CLTCL1: variants seen among roughly 807,000 people sequenced by gnomAD.
CLTCL1 encodes the protein clathrin heavy chain 2.
Under a neutral mutation model 190.0 loss-of-function variants are expected in CLTCL1, and 159 were observed. The observed-to-expected ratio is 0.84, with a 90% CI of 0.74 to 0.95. The LOEUF (loss-of-function observed/expected upper bound fraction) is 0.95, where lower values mean the gene tolerates loss of function less well. Among genes scored for constraint, CLTCL1 ranks in the 40% least tolerant of loss-of-function variants. The pLI, the probability that CLTCL1 is intolerant of heterozygous loss-of-function variation, is 0.00. For missense variants in CLTCL1, 1,878 were observed against 2,033.4 expected, an observed-to-expected ratio of 0.92 and a Z score of 1.47; for synonymous variants, 752 against 769.6, an observed-to-expected ratio of 0.98 and a Z score of 0.38.
chr22:19,200,634 A>T (rs1402897221), intron 23 of CLTCL1, among the ~76,000 whole-genome samples: 1 of 152,140 alleles, frequency 6.6e-6, no homozygotes, highest in African/African-American at 2.4e-5. Flanking sequence ...AGGTCAGGAG[A>T]TAGAGACCAT....
intron 21 of CLTCL1, among the ~76,000 whole-genome samples, chr22:19,208,685 T>C (rs1389712719): frequency 6.6e-6 from 1 of 151,764 alleles, no homozygotes; most frequent in Non-Finnish European, 1.5e-5. Flanking sequence ...TTGAGATATC[T>C]AGTGTGCTTA....
chr22:19,257,159 A>T (rs1286787695), intron 2 of CLTCL1, among the ~76,000 whole-genome samples: 2 of 152,214 alleles, frequency 1.3e-5, no homozygotes, highest in Non-Finnish European at 2.9e-5. Context: ...AAGATGAACA[A>T]GGTTGGATGA....
At chr22:19,251,582 G>C (rs570725631) in intron 3 of CLTCL1, among the ~76,000 whole-genome samples, 121 of 152,196 alleles carry the variant, frequency 8.0e-4, no homozygotes, top group African/African-American at 1.8e-3. Flanking sequence ...TCAGCCTCCC[G>C]AGTAGCTGGG....
chr22:19,243,110 A>C (rs1232691502), intron 3 of CLTCL1, among the ~76,000 whole-genome samples, 174 bp from the exon 4 acceptor site: 1 of 152,210 alleles, frequency 6.6e-6, no homozygotes, highest in Non-Finnish European at 1.5e-5. Context: ...TTTATGTGGA[A>C]AGATGGCAAA....
chr22:19,234,435 T>C, intron 7 of CLTCL1, 74 bp downstream of exon 7: 2 of 1,321,492 alleles, frequency 1.5e-6, no homozygotes, highest in South Asian at 1.5e-5. Context: ...AGTGAAATGC[T>C]TTTATGACTT....
intron 15 of CLTCL1, among the ~76,000 whole-genome samples, 153 bp from the exon 16 acceptor site, chr22:19,222,246 C>T (rs945755331): frequency 6.6e-6 from 1 of 152,202 alleles, no homozygotes; most frequent in African/African-American, 2.4e-5. Flanking sequence ...GATGTCCTAA[C>T]CCCTAGTGGG....
Position 19,242,808 on chromosome 22 carries a change from G to A in CLTCL1, c.648C>T (p.Phe216=). The change falls in exon 4 of 33, where the codon TTC becomes TTT. Residue 216 remains phenylalanine, a synonymous_variant. Transcript: ENST00000427926. ...CTGTGGGATTACGTACAGCAAAGCA[G>A]AAAAGGGTGGCAGGCTTGGCATTCC... ...MEGNAKPATL[F]CFAVRNPTGG... 6.2e-7 allele frequency: 1 copy of A among 1,613,974 alleles called. No individual in the cohort carries two copies. The highest frequency in any genetic ancestry group is 1.7e-5 in the Admixed American group (1 of 60,028).
chr22:19,249,175 A>G (rs1555969001), intron 3 of CLTCL1, among the ~76,000 whole-genome samples: 12 of 152,078 alleles, frequency 7.9e-5, no homozygotes, highest in Non-Finnish European at 1.8e-4. Flanking sequence ...CCTGGCTAAC[A>G]TGGTGAAACC....
intron 1 of CLTCL1, among the ~76,000 whole-genome samples, chr22:19,280,655 T>C (rs4819792): frequency 0.25 from 37,959 of 149,518 alleles, 5,058 homozygotes; most frequent in East Asian, 0.5. Flanking sequence ...CCTGTCTCTA[T>C]CAAAAATACA....
intron 3 of CLTCL1, among the ~76,000 whole-genome samples, chr22:19,246,178 G>A (rs1242488427): frequency 6.6e-6 from 1 of 151,992 alleles, no homozygotes; most frequent in East Asian, 1.9e-4. Context: ...TCCTGCCTCA[G>A]CCTCCCAAGT....
In CLTCL1 at chr22:19,190,247, C is replaced by T. The variant is rs5748034; in HGVS notation, c.4323+1057G>A. Among the ~76,000 whole-genome samples the T allele has an allele frequency of 9.4e-3, 1,437 of 152,338 alleles. 34 individuals carry two copies. The highest frequency in any genetic ancestry group is 0.069 in the East Asian group (357 of 5,186). On this transcript the variant is annotated intron_variant, in intron 27 of 32. Transcript: ENST00000427926. ...TGTTGGGATTACAGGCATAAGCCAC[C>T]ATTCCCGGCCATTAATTAGCCTAAT... is the stretch of plus-strand genomic sequence containing the variant.
Position 19,188,203 on chromosome 22 carries a change from A to T in CLTCL1, c.4324-112T>A, listed in dbSNP as rs902021774. 4 of 903,110 alleles carry T rather than the reference A, an allele frequency of 4.4e-6. No individual in the cohort carries two copies. The South Asian group carries it at 5.4e-5, about 12-fold the overall frequency. The allele number at this position is 903,110 out of a possible 1,614,324, so 55.9% of individuals were successfully genotyped here. On this transcript the variant is annotated intron_variant, in intron 27 of 32. Coordinates refer to ENST00000427926, the MANE Select transcript of CLTCL1 (RefSeq NM_007098.4). The stretch of plus-strand genomic sequence containing the variant: ...ATCCACTTGAATGGTCCAGCTCTGG[A>T]GCCAAGGGCACCTTCTGGACACCTA...
chr22:19,232,617 C>T lies in CLTCL1; in HGVS notation c.1522-19G>A, dbSNP rs1555959663. 3 of 1,600,868 alleles carry T rather than the reference C, an allele frequency of 1.9e-6. No individual in the cohort carries two copies. The highest frequency in any genetic ancestry group is 1.3e-5 in the African/African-American group (1 of 74,514). Reference sequence around the variant, plus strand: ...ACCCAACCTAGAAGCAAGGGAGCACCAATCAGGAAAATCAATGAAAAACCC... The same window carrying T: ...ACCCAACCTAGAAGCAAGGGAGCACTAATCAGGAAAATCAATGAAAAACCC... On this transcript the variant is annotated intron_variant, in intron 9 of 32. Coordinates refer to ENST00000427926, the MANE Select transcript of CLTCL1 (RefSeq NM_007098.4).
At chr22:19,269,915 C>T (rs2087249557) in intron 2 of CLTCL1, among the ~76,000 whole-genome samples, 1 of 150,490 alleles carries the variant, frequency 6.6e-6, no homozygotes, top group South Asian at 2.1e-4. Context: ...CCTGCATGTT[C>T]TGCACATGTA....
At chr22:19,186,249 T>C (rs555836417) in intron 29 of CLTCL1, among the ~76,000 whole-genome samples, 19 of 151,880 alleles carry the variant, frequency 1.3e-4, no homozygotes, top group Admixed American at 1.2e-3. Context: ...AAGTCCAGAG[T>C]CTTTGGGCAC....
chr22:19,228,176 G>A (rs1273688641), intron 11 of CLTCL1, among the ~76,000 whole-genome samples: 1 of 152,172 alleles, frequency 6.6e-6, no homozygotes, highest in Non-Finnish European at 1.5e-5. Flanking sequence ...CTAAGAGTAG[G>A]GCTTTAGAAC....
At chr22:19,241,321 G>A (rs1428769489) in intron 4 of CLTCL1, among the ~76,000 whole-genome samples, 2 of 152,194 alleles carry the variant, frequency 1.3e-5, no homozygotes, top group Non-Finnish European at 1.5e-5. Flanking sequence ...GAGGCCTGTC[G>A]CTGCCCTGCT....
intron 1 of CLTCL1, among the ~76,000 whole-genome samples, chr22:19,276,795 A>G (rs1031652073): frequency 2.4e-4 from 37 of 151,776 alleles, no homozygotes; most frequent in Admixed American, 9.2e-4. Context: ...TCAGCCTCCC[A>G]AGTAGCTGGG....
At chr22:19,241,127 G>C (rs1317958051) in intron 4 of CLTCL1, among the ~76,000 whole-genome samples, 2 of 152,232 alleles carry the variant, frequency 1.3e-5, no homozygotes, top group African/African-American at 4.8e-5. Context: ...GGCTCTCTGG[G>C]TCACAGAAGA....
Sources: gnomAD v4.1 joint callset for allele counts (sites outside exome capture counted in the v4.1 genomes callset) on GRCh38, gnomAD v4.1.1 for gene constraint, MANE v1.5 for transcripts, NCBI Gene and HGNC (gene_info 2026-07-23, HGNC 2026-07-21) for gene names.